Variants in LRMDA observed in about 807,000 individuals in gnomAD.
LRMDA encodes the protein leucine-rich melanocyte differentiation-associated protein.
A neutral mutation model predicts 29.8 loss-of-function variants in LRMDA; 18 were observed. The observed-to-expected ratio is 0.60, with a 90% CI of 0.42 to 0.90. The LOEUF (loss-of-function observed/expected upper bound fraction) is 0.90, where lower values mean the gene tolerates loss of function less well. LRMDA is among the 40% of genes least tolerant of loss of function. LRMDA has a pLI of 0.00. For synonymous variants in LRMDA, 125 were observed against 109.4 expected, an observed-to-expected ratio of 1.14 and a Z score of -0.89; for missense variants, 273 against 273.9, an observed-to-expected ratio of 1.00 and a Z score of 0.02.
intron 5 of LRMDA, among the ~76,000 whole-genome samples, chr10:76,243,146 A>G (rs544695460): frequency 6.6e-6 from 1 of 152,198 alleles, no homozygotes; most frequent in Non-Finnish European, 1.5e-5. Context: ...TCCCGTCCGT[A>G]TCACGACAAG....
chr10:76,211,076 A>T (rs530885616), intron 5 of LRMDA, among the ~76,000 whole-genome samples: 5 of 152,248 alleles, frequency 3.3e-5, no homozygotes, highest in African/African-American at 9.6e-5. Context: ...TGTCCTGGGT[A>T]TGTGGGTCCC....
rs1405526403 is a variant in LRMDA, at chr10:76,153,384, CTA to C, written c.516+94603_516+94604del. Among the ~76,000 whole-genome samples the C allele has an allele frequency of 5.9e-5, 9 of 152,234 alleles. 1 individual carries two copies. The South Asian group carries it at 1.7e-3, about 28-fold the overall frequency. On this transcript the variant is annotated intron_variant, in intron 5 of 6. Coordinates refer to ENST00000611255, the MANE Select transcript of LRMDA (RefSeq NM_001305581.2). Reference sequence around the variant, plus strand: ...TACTTTTGGTGTTACATCTAAGAAACTATTGACTAATCCAAGGTCATGAAGAT... The same window carrying C: ...TACTTTTGGTGTTACATCTAAGAAACTTGACTAATCCAAGGTCATGAAGAT...
At chr10:75,579,931 A>G (rs1840564304) in intron 2 of LRMDA, among the ~76,000 whole-genome samples, 1 of 152,214 alleles carries the variant, frequency 6.6e-6, no homozygotes. Flanking sequence ...TCAAAATAAT[A>G]AGAGCTATTT....
At chr10:76,119,340 G>C (rs866691429) in intron 5 of LRMDA, among the ~76,000 whole-genome samples, 25 of 152,120 alleles carry the variant, frequency 1.6e-4, no homozygotes, top group Middle Eastern at 6.8e-3. Flanking sequence ...TGCTGAGGCT[G>C]GGGTCTGTGG....
intron 5 of LRMDA, among the ~76,000 whole-genome samples, chr10:76,265,016 A>T (rs1250999838): frequency 6.6e-6 from 1 of 152,122 alleles, no homozygotes; most frequent in Admixed American, 6.5e-5. Flanking sequence ...CAACCATATT[A>T]ATTCCAGTGA....
At chr10:76,223,016 A>G (rs1426772784) in intron 5 of LRMDA, among the ~76,000 whole-genome samples, 1 of 152,104 alleles carries the variant, frequency 6.6e-6, no homozygotes, top group Non-Finnish European at 1.5e-5. Context: ...TATTGCAAGA[A>G]CAAAAAACCA....
At chr10:75,693,790 C>T (rs978174180) in intron 2 of LRMDA, among the ~76,000 whole-genome samples, 6 of 152,116 alleles carry the variant, frequency 3.9e-5, no homozygotes, top group Non-Finnish European at 8.8e-5. Flanking sequence ...TTTTCATTAG[C>T]ATACTGCCTA....
chr10:76,213,982 C>A (rs572142158), intron 5 of LRMDA, among the ~76,000 whole-genome samples: 1 of 152,274 alleles, frequency 6.6e-6, no homozygotes, highest in Admixed American at 6.5e-5. Flanking sequence ...GGACACTGCA[C>A]ATCTACCTGG....
intron 2 of LRMDA, among the ~76,000 whole-genome samples, chr10:75,972,403 C>T (rs1044605857): frequency 2.0e-5 from 3 of 152,076 alleles, no homozygotes. Context: ...AAATCCTATC[C>T]TATTCATATA....
chr10:76,157,315 C>T (rs1247509185), intron 5 of LRMDA, among the ~76,000 whole-genome samples: 1 of 152,130 alleles, frequency 6.6e-6, no homozygotes, highest in Non-Finnish European at 1.5e-5. Context: ...AATGGCACAG[C>T]TTTTAATAGC....
At chr10:76,380,065 C>G (rs75281616) in intron 6 of LRMDA, among the ~76,000 whole-genome samples, 1 of 152,242 alleles carries the variant, frequency 6.6e-6, no homozygotes, top group African/African-American at 2.4e-5. Flanking sequence ...CTACTGTGGT[C>G]CAATAAAATA....
intron 5 of LRMDA, among the ~76,000 whole-genome samples, chr10:76,225,150 C>A (rs553118901): frequency 6.6e-6 from 1 of 152,204 alleles, no homozygotes; most frequent in African/African-American, 2.4e-5. Flanking sequence ...ATGGCTCACA[C>A]CTGTAATACC....
chr10:75,636,429 T>C (rs991064842), intron 2 of LRMDA, among the ~76,000 whole-genome samples: 1 of 152,228 alleles, frequency 6.6e-6, no homozygotes, highest in Non-Finnish European at 1.5e-5. Context: ...AATTAGAGAA[T>C]GAGGTAATGC....
At chr10:75,841,734 C>G (rs763702818) in intron 2 of LRMDA, among the ~76,000 whole-genome samples, 1 of 152,160 alleles carries the variant, frequency 6.6e-6, no homozygotes, top group Non-Finnish European at 1.5e-5. Flanking sequence ...GTAACCTGCA[C>G]GTTCTAAAAG....
intron 2 of LRMDA, among the ~76,000 whole-genome samples, chr10:75,892,782 G>A (rs145130133): frequency 1.4e-3 from 219 of 152,230 alleles, no homozygotes; most frequent in African/African-American, 4.9e-3. Flanking sequence ...CTTCTCAGGG[G>A]CCTAAGGAAT....
chr10:75,729,556 A>G (rs971183278), intron 2 of LRMDA, among the ~76,000 whole-genome samples: 1 of 152,210 alleles, frequency 6.6e-6, no homozygotes, highest in African/African-American at 2.4e-5. Context: ...GCTGAAACCA[A>G]GAGAGTTTAG....
At chr10:76,256,402 C>T (rs1347227450) in intron 5 of LRMDA, among the ~76,000 whole-genome samples, 3 of 152,128 alleles carry the variant, frequency 2.0e-5, no homozygotes, top group Non-Finnish European at 4.4e-5. Flanking sequence ...GTGCTTCAGT[C>T]GGAGTCCTTT....
intron 2 of LRMDA, among the ~76,000 whole-genome samples, chr10:75,837,522 A>G (rs1844461261): frequency 6.6e-6 from 1 of 152,218 alleles, no homozygotes; most frequent in African/African-American, 2.4e-5. Flanking sequence ...ATGTATTTGT[A>G]ATGCATGTTT....
intron 2 of LRMDA, among the ~76,000 whole-genome samples, chr10:75,919,815 C>A (rs148765000): frequency 6.6e-6 from 1 of 152,306 alleles, no homozygotes; most frequent in East Asian, 1.9e-4. Flanking sequence ...GTCCAGGGAG[C>A]AGCCCTGTGG....
Sources: gnomAD v4.1 joint callset for allele counts (sites outside exome capture counted in the v4.1 genomes callset) on GRCh38, gnomAD v4.1.1 for gene constraint, MANE v1.5 for transcripts, NCBI Gene and HGNC (gene_info 2026-07-23, HGNC 2026-07-21) for gene names.